GOLGA3: variants seen among roughly 807,000 people sequenced by gnomAD.
GOLGA3 encodes the protein golgin subfamily A member 3.
Under a neutral mutation model 169.4 loss-of-function variants are expected in GOLGA3, and 75 were observed. The observed-to-expected ratio is 0.44, with a 90% CI of 0.37 to 0.54. The LOEUF (loss-of-function observed/expected upper bound fraction) is 0.54. Ranked by LOEUF, GOLGA3 falls within the 20% of genes least tolerant of loss-of-function variation. The pLI, the probability that GOLGA3 is intolerant of heterozygous loss-of-function variation, is 0.00. For missense variants in GOLGA3, 1,899 were observed against 1,930.0 expected (o/e 0.98, Z 0.30); for synonymous variants, 824 against 822.4 (o/e 1.00, Z -0.03).
intron 11 of GOLGA3, among the ~76,000 whole-genome samples, chr12:132,794,190 G>A (rs527960655): frequency 4.6e-5 from 7 of 152,254 alleles, no homozygotes; most frequent in African/African-American, 1.7e-4. Flanking sequence ...GCCCCCACGT[G>A]GATACTGCTG....
At chr12:132,798,870 G>A (rs750726588) in intron 8 of GOLGA3, among the ~76,000 whole-genome samples, 2 of 152,238 alleles carry the variant, frequency 1.3e-5, no homozygotes, top group African/African-American at 2.4e-5. Flanking sequence ...ACCAGGGCCT[G>A]CCCTCAGCCA....
At chr12:132,791,194 G>A in intron 12 of GOLGA3, 22 bp downstream of exon 12, 2 of 1,411,652 alleles carry the variant, frequency 1.4e-6, no homozygotes, top group African/African-American at 1.4e-5. Context: ...TTCAAGTGAA[G>A]AAATCAACAA....
At chr12:132,800,208 T>C (rs962115122) in intron 8 of GOLGA3, among the ~76,000 whole-genome samples, 2 of 152,190 alleles carry the variant, frequency 1.3e-5, no homozygotes, top group Non-Finnish European at 2.9e-5. Flanking sequence ...TTAAAAAATA[T>C]GTAACAGTCG....
chr12:132,788,643 G>A (rs1015391092), intron 13 of GOLGA3, among the ~76,000 whole-genome samples: 8 of 152,162 alleles, frequency 5.3e-5, no homozygotes, highest in African/African-American at 1.4e-4. Flanking sequence ...CTGCCCTGAC[G>A]TGGGGTCTCC....
chr12:132,775,035 C>T (rs2045142979), intron 22 of GOLGA3, 106 bp downstream of exon 22: 1 of 970,742 alleles, frequency 1.0e-6, no homozygotes, highest in Non-Finnish European at 1.5e-6. Flanking sequence ...AGTGTGGGCT[C>T]AACAAATCCG....
intron 2 of GOLGA3, among the ~76,000 whole-genome samples, chr12:132,821,181 C>T (rs1162089858): frequency 2.8e-5 from 4 of 142,742 alleles, no homozygotes; most frequent in Non-Finnish European, 4.5e-5. Flanking sequence ...CCAAGGTGGG[C>T]GGATCACCTG....
intron 1 of GOLGA3, chr12:132,826,121 G>A (rs1950405820): frequency 1.3e-6 from 2 of 1,552,234 alleles, no homozygotes; most frequent in Non-Finnish European, 8.9e-7. Flanking sequence ...GAGCAAGACA[G>A]TGCACCTCAA....
intron 11 of GOLGA3, among the ~76,000 whole-genome samples, chr12:132,791,583 A>G (rs2046235979): frequency 1.3e-5 from 2 of 150,458 alleles, no homozygotes; most frequent in South Asian, 4.2e-4. Flanking sequence ...GGGCTCCAGG[A>G]AAGGACACAT....
chr12:132,807,072 G>A, intron 6 of GOLGA3, 105 bp downstream of exon 6: 1 of 635,536 alleles, frequency 1.6e-6, no homozygotes, highest in Non-Finnish European at 2.8e-6. Flanking sequence ...ACATGCTGCG[G>A]CGGCTGATTC....
At chr12:132,773,951 TC>T (rs945784784) in intron 23 of GOLGA3, among the ~76,000 whole-genome samples, 1 of 145,278 alleles carries the variant, frequency 6.9e-6, no homozygotes, top group Non-Finnish European at 1.5e-5. Flanking sequence ...GCTGAGTCCT[TC>T]CCCCTTTATA....
intron 11 of GOLGA3, among the ~76,000 whole-genome samples, chr12:132,794,308 A>G (rs913363500): frequency 4.6e-5 from 7 of 151,802 alleles, no homozygotes; most frequent in Non-Finnish European, 1.0e-4. Flanking sequence ...CAGCCTGGGC[A>G]ACATGGCAAA....
At chr12:132,827,256 A>G (rs1001376103) in intron 1 of GOLGA3, among the ~76,000 whole-genome samples, 1 of 152,240 alleles carries the variant, frequency 6.6e-6, no homozygotes, top group Non-Finnish European at 1.5e-5. Flanking sequence ...AGGCCACACT[A>G]GTATCCAAAA....
At chr12:132,797,327 T>G (rs1320683983) in intron 9 of GOLGA3, among the ~76,000 whole-genome samples, 2 of 152,056 alleles carry the variant, frequency 1.3e-5, no homozygotes, top group East Asian at 3.9e-4. Flanking sequence ...CCCAGCAACA[T>G]CCAGCACAGA....
intron 18 of GOLGA3, among the ~76,000 whole-genome samples, chr12:132,779,402 T>C (rs1465017597): frequency 1.3e-5 from 2 of 152,174 alleles, no homozygotes; most frequent in African/African-American, 2.4e-5. Flanking sequence ...TAAAATTAAT[T>C]CTATTTATAA....
chr12:132,773,969 T>G (rs1395058917), intron 23 of GOLGA3, among the ~76,000 whole-genome samples, 188 bp downstream of exon 23: 2 of 146,238 alleles, frequency 1.4e-5, no homozygotes, highest in Admixed American at 6.9e-5. Context: ...TATATAAACC[T>G]CAAAGGCTGT....
chr12:132,788,499 A>C (rs1389089065), intron 13 of GOLGA3, among the ~76,000 whole-genome samples: 5 of 151,772 alleles, frequency 3.3e-5, no homozygotes, highest in Admixed American at 1.3e-4. Context: ...AGAAACTGTC[A>C]CCAGCATCTC....
intron 18 of GOLGA3, among the ~76,000 whole-genome samples, chr12:132,780,301 C>T (rs2045524499): frequency 6.6e-6 from 1 of 152,192 alleles, no homozygotes; most frequent in Non-Finnish European, 1.5e-5. Flanking sequence ...CAGCAAGCAG[C>T]AGCGTTCTAA....
At chr12:132,819,653 C>T (rs372534094) in intron 2 of GOLGA3, among the ~76,000 whole-genome samples, 45 of 152,344 alleles carry the variant, frequency 3.0e-4, no homozygotes, top group East Asian at 2.7e-3. Context: ...AGCCAGACCA[C>T]GGGCACCCGA....
Position 132,808,379 on chromosome 12 carries a change from T to G in GOLGA3, c.690A>C (p.Ala230=), listed in dbSNP as rs745469718. 9 of 1,614,088 alleles carry G rather than the reference T, an allele frequency of 5.6e-6. No individual in the cohort carries two copies. The South Asian group carries it at 8.8e-5, about 16-fold the overall frequency. ...TGGAAGTTTTTTTCTCCCTAGGATG[T>G]GCCGGAAGCCCCAGGCTGCCCACCT... ...GPKVGSLGLP[A]HPREKKTSKS... is the part of the protein sequence containing the mutation. Residue 230 remains alanine, a synonymous_variant, in exon 5 of 24, where the codon GCA becomes GCC. Transcript: ENST00000450791.
Sources: allele counts gnomAD v4.1 joint callset (sites outside exome capture counted in the v4.1 genomes callset), GRCh38; gene constraint gnomAD v4.1.1; transcripts MANE v1.5; gene names NCBI Gene and HGNC (gene_info 2026-07-23, HGNC 2026-07-21).